DMD: variants seen among roughly 807,000 people sequenced by gnomAD.
DMD encodes dystrophin.
Under a neutral mutation model 330.1 loss-of-function variants are expected in DMD, and 63 were observed. The observed-to-expected ratio is 0.19, with a 90% CI of 0.16 to 0.24. The LOEUF is 0.24. Among genes scored for constraint, DMD ranks in the 10% least tolerant of loss-of-function variants. The pLI, the probability that DMD is intolerant of heterozygous loss-of-function variation, is 1.00. For synonymous variants in DMD, 1,223 were observed against 959.8 expected (o/e 1.27, Z -5.07); for missense variants, 3,344 against 2,684.1 (o/e 1.25, Z -5.43).
At chrX:33,334,977 C>A (rs1238676207) in intron 1 of DMD, among the ~76,000 whole-genome samples, 1 of 111,117 alleles carries the variant, frequency 9.0e-6, no homozygotes, top group African/African-American at 3.3e-5. Flanking sequence ...AATACTTTTC[C>A]ATTGCTACCA....
chrX:31,336,922 C>G (rs1382964019), intron 61 of DMD, among the ~76,000 whole-genome samples: 2 of 95,316 alleles, frequency 2.1e-5, no homozygotes, highest in African/African-American at 7.6e-5. Flanking sequence ...TCTTTTCTTT[C>G]TTTCTTTTTT....
intron 7 of DMD, among the ~76,000 whole-genome samples, chrX:32,719,438 C>T (rs988820094): frequency 9.0e-6 from 1 of 111,421 alleles, no homozygotes; most frequent in Non-Finnish European, 1.9e-5. Context: ...ATGAAATTTT[C>T]AGTAAAGTAT....
chrX:32,033,346 A>G (rs191161694), intron 44 of DMD, among the ~76,000 whole-genome samples: 1 of 110,606 alleles, frequency 9.0e-6, no homozygotes, highest in Admixed American at 9.8e-5. Context: ...TGTATTGTGC[A>G]TGTAGTATTT....
intron 54 of DMD, among the ~76,000 whole-genome samples, chrX:31,632,534 T>C (rs2079188456): frequency 8.9e-6 from 1 of 112,008 alleles, no homozygotes; most frequent in Non-Finnish European, 1.9e-5. Context: ...AGTAATCACA[T>C]AAAATACTCT....
rs750419527 is a variant in DMD at position 31,507,350 on chromosome X, A to C, written c.8321T>G (p.Leu2774Arg). The C allele has an allele frequency of 5.0e-6, 6 of 1,209,903 alleles. No individual in the cohort carries two copies. The African/African-American group carries it at 1.0e-4, about 21-fold the overall frequency. Reference sequence around the variant, plus strand: ...CATGTTATCCAAACGTCTTTGTAACAGGACTGCATCATCGGAACCTTCCAG... The same window carrying C: ...CATGTTATCCAAACGTCTTTGTAACCGGACTGCATCATCGGAACCTTCCAG... ...RSLEGSDDAVLLQRRLDNMNF... is the reference protein window; with the variant it reads ...RSLEGSDDAVRLQRRLDNMNF... Residue 2774 changes from leucine (L) to arginine (R), a missense_variant, in exon 56 of 79, where the codon CTG becomes CGG. Leu to Arg is a moderately radical substitution (Grantham distance 102, BLOSUM62 -2). Coordinates refer to ENST00000357033, the MANE Select transcript of DMD (RefSeq NM_004006.3).
intron 55 of DMD, among the ~76,000 whole-genome samples, chrX:31,508,771 C>A (rs1437167338): frequency 2.7e-5 from 3 of 109,631 alleles, no homozygotes; most frequent in Non-Finnish European, 3.8e-5. Context: ...ATCTGTGTAA[C>A]TAGAAAAGTT....
At chrX:33,039,673 A>G (rs1053061735) in intron 1 of DMD, among the ~76,000 whole-genome samples, 7 of 111,161 alleles carry the variant, frequency 6.3e-5, no homozygotes, top group African/African-American at 9.8e-5. Context: ...GCCTTTCTCT[A>G]ATAAAAATAA....
rs1408435603 is a variant in DMD, at chrX:32,491,459, C to T, written c.2440G>A (p.Glu814Lys). The T allele has an allele frequency of 1.7e-6, 2 of 1,210,577 alleles. No individual in the cohort carries two copies. Among genetic ancestry groups the T allele is most frequent in the Admixed American group, 2.2e-5 (1 of 45,937 alleles). The change falls in exon 20 of 79, where the codon GAA becomes AAA. Residue 814 changes from glutamate to lysine, a missense_variant. By Grantham distance (56) the Glu-to-Lys change is moderately conservative. Coordinates refer to ENST00000357033, the MANE Select transcript of DMD (RefSeq NM_004006.3). ...CTCTCACTTAGCAACTGGCAGAATTCGATCCACCGGCTGTTCAGTTGTTCT... is the reference window on the plus strand; with the variant it reads ...CTCTCACTTAGCAACTGGCAGAATTTGATCCACCGGCTGTTCAGTTGTTCT... ...ASEQLNSRWI[E>K]FCQLLSERLN...
chrX:33,204,022 T>A (rs1210131674), intron 1 of DMD, among the ~76,000 whole-genome samples: 1 of 111,400 alleles, frequency 9.0e-6, no homozygotes, highest in Non-Finnish European at 1.9e-5. Flanking sequence ...ACTTCTTTCA[T>A]CTCCACTGTC....
chrX:31,901,138 G>A (rs1405789736), intron 47 of DMD, among the ~76,000 whole-genome samples: 1 of 111,661 alleles, frequency 9.0e-6, no homozygotes, highest in Non-Finnish European at 1.9e-5. Context: ...AATGCTAGAA[G>A]CAGTTGAATC....
At chrX:33,070,380 GC>G (rs1268699711) in intron 1 of DMD, among the ~76,000 whole-genome samples, 1 of 109,984 alleles carries the variant, frequency 9.1e-6, no homozygotes, top group Non-Finnish European at 1.9e-5. Flanking sequence ...ATGACTGACA[GC>G]TCTTACTGCA....
At chrX:31,990,752 A>C (rs1374728055) in intron 44 of DMD, among the ~76,000 whole-genome samples, 1 of 112,493 alleles carries the variant, frequency 8.9e-6, no homozygotes, top group Non-Finnish European at 1.9e-5. Context: ...GCAGTTACAC[A>C]TCCTACCACG....
At chrX:31,270,021 T>A (rs1166081382) in intron 62 of DMD, among the ~76,000 whole-genome samples, 1 of 111,355 alleles carries the variant, frequency 9.0e-6, no homozygotes. Flanking sequence ...GTTTGGGTAT[T>A]TATTCTTCAG....
Position 31,627,732 on chromosome X carries a change from G to A in DMD, c.8158C>T (p.Arg2720Cys), listed in dbSNP as rs375657730. Reference protein sequence around the residue: ...TTANVLQDATRKERLLEDSKG... With the variant: ...TTANVLQDATCKERLLEDSKG... ...GAGTCTTCTAGGAGCCTTTCCTTAC[G>A]GGTAGCATCCTGTAGGACATTGGCA... is the stretch of plus-strand genomic sequence containing the variant. Residue 2720 changes from arginine (R) to cysteine (C), a missense_variant, in exon 55 of 79, where the codon CGT (arginine) becomes TGT (cysteine). By Grantham distance (180) the Arg-to-Cys change is radical. Transcript: ENST00000357033. 1.7e-5 allele frequency: 21 copies of A among 1,209,365 alleles called. No individual in the cohort carries two copies. The highest frequency in any genetic ancestry group is 5.9e-5 in the East Asian group (2 of 33,747).
intron 2 of DMD, among the ~76,000 whole-genome samples, chrX:32,896,699 A>G (rs964200479): frequency 8.9e-6 from 1 of 112,649 alleles, no homozygotes; most frequent in Non-Finnish European, 1.9e-5. Context: ...TACCCAAGTT[A>G]AAATTTGGAG....
At chrX:32,359,260 G>A (rs1351920455) in intron 37 of DMD, among the ~76,000 whole-genome samples, 1 of 111,604 alleles carries the variant, frequency 9.0e-6, no homozygotes, top group Non-Finnish European at 1.9e-5. Flanking sequence ...AGGAGACATG[G>A]GAGTACCCCA....
chrX:32,643,532 T>A (rs1418621266), intron 11 of DMD, among the ~76,000 whole-genome samples: 1 of 111,275 alleles, frequency 9.0e-6, no homozygotes, highest in African/African-American at 3.3e-5. Flanking sequence ...AAAACACATA[T>A]CCAGAATGAT....
At chrX:32,744,124 C>T (rs1470726451) in intron 7 of DMD, among the ~76,000 whole-genome samples, 3 of 110,531 alleles carry the variant, frequency 2.7e-5, no homozygotes, top group Non-Finnish European at 5.7e-5. Context: ...TTTTCAGTTA[C>T]CCTCTACTTA....
At chrX:33,031,852 G>A (rs1480140068) in intron 1 of DMD, among the ~76,000 whole-genome samples, 1 of 111,747 alleles carries the variant, frequency 8.9e-6, no homozygotes, top group Non-Finnish European at 1.9e-5. Flanking sequence ...AGTCTGAAAA[G>A]AGGAAATAAT....
Sources: gnomAD v4.1 joint callset for allele counts (sites outside exome capture counted in the v4.1 genomes callset) on GRCh38, gnomAD v4.1.1 for gene constraint, MANE v1.5 for transcripts, NCBI Gene and HGNC (gene_info 2026-07-23, HGNC 2026-07-21) for gene names.